The following ST6GALNAC3 variants were observed in gnomAD, a reference collection of about 807,000 sequenced individuals.
ST6GALNAC3 encodes the protein alpha-N-acetylgalactosaminide alpha-2,6-sialyltransferase 3.
In ST6GALNAC3, 25 loss-of-function variants were observed where a neutral mutation model predicts 32.7. The ratio of observed to expected loss-of-function variants is 0.76; its 90% CI spans 0.56 to 1.07. The LOEUF is 1.07. Ranked by LOEUF, ST6GALNAC3 falls within the 50% of genes least tolerant of loss-of-function variation. The pLI is 0.00. For missense variants in ST6GALNAC3, 355 were observed against 382.4 expected (o/e 0.93, Z 0.60); for synonymous variants, 129 against 133.1 (o/e 0.97, Z 0.21).
chr1:76,112,347 C>A (rs1457432518), intron 1 of ST6GALNAC3, among the ~76,000 whole-genome samples: 9 of 127,280 alleles, frequency 7.1e-5, no homozygotes, highest in South Asian at 2.7e-4. Flanking sequence ...ACCTCCCGGA[C>A]GGGGCGGCTG....
chr1:76,449,312 A>G (rs2101546143), intron 3 of ST6GALNAC3, among the ~76,000 whole-genome samples: 1 of 152,290 alleles, frequency 6.6e-6, no homozygotes, highest in South Asian at 2.1e-4. Flanking sequence ...CAGTTTATTT[A>G]TCCATCCACA....
In ST6GALNAC3 at chr1:76,581,788, G is replaced by A. The variant is rs770332409; in HGVS notation, c.624-45664G>A. Among the ~76,000 whole-genome samples the A allele has an allele frequency of 2.4e-4, 37 of 152,072 alleles. 1 individual carries two copies. The highest frequency in any genetic ancestry group is 1.3e-4 in the Non-Finnish European group (9 of 67,998). On this transcript the variant is annotated intron_variant, in intron 3 of 4. Transcript: ENST00000328299. The stretch of plus-strand genomic sequence containing the variant: ...CAAGCACAATAACTCTTTGGGTAAG[G>A]ATCAATAATATATTGGGTGTAAATC...
At chr1:76,493,074 TTA>T (rs1171423367) in intron 3 of ST6GALNAC3, among the ~76,000 whole-genome samples, 47 of 152,078 alleles carry the variant, frequency 3.1e-4, no homozygotes, top group Non-Finnish European at 4.6e-4. Flanking sequence ...CAGACCTCTC[TTA>T]TACTTCATTT....
chr1:76,446,886 T>G (rs992559598), intron 3 of ST6GALNAC3, among the ~76,000 whole-genome samples: 1 of 152,164 alleles, frequency 6.6e-6, no homozygotes, highest in African/African-American at 2.4e-5. Context: ...CTGTATAAAT[T>G]ACCCAGTCTT....
chr1:76,572,587 T>C (rs1646721493), intron 3 of ST6GALNAC3, among the ~76,000 whole-genome samples: 1 of 152,118 alleles, frequency 6.6e-6, no homozygotes, highest in Admixed American at 6.6e-5. Context: ...ATGCACACAG[T>C]TAGCTACTAA....
intron 1 of ST6GALNAC3, among the ~76,000 whole-genome samples, chr1:76,182,138 A>G (rs12085592): frequency 0.2 from 29,957 of 152,128 alleles, 3,068 homozygotes; most frequent in African/African-American, 0.22. Flanking sequence ...TGAAATAAGC[A>G]TTTTTACTAT....
At chr1:76,273,927 T>C (rs924074112) in intron 1 of ST6GALNAC3, among the ~76,000 whole-genome samples, 3 of 152,226 alleles carry the variant, frequency 2.0e-5, no homozygotes, top group Non-Finnish European at 4.4e-5. Flanking sequence ...AAAATCTCAC[T>C]GCTTCATCCA....
rs542594392 is a variant in ST6GALNAC3 at position 76,226,813 on chromosome 1, T to C, written c.19-86992T>C. Among the ~76,000 whole-genome samples the C allele has an allele frequency of 9.9e-5, 15 of 152,232 alleles. No homozygotes were observed. In the East Asian group the frequency reaches 2.5e-3, roughly 26 times the overall value. The stretch of plus-strand genomic sequence containing the variant: ...CTATTCAGGGAGGATCCATCCCGCC[T>C]ACACACACCCATTTCCAATCACCTC... On this transcript the variant is annotated intron_variant, in intron 1 of 4. Transcript: ENST00000328299.
chr1:76,416,707 A>C (rs1462402248), intron 3 of ST6GALNAC3, among the ~76,000 whole-genome samples: 2 of 145,036 alleles, frequency 1.4e-5, no homozygotes, highest in Non-Finnish European at 3.0e-5. Context: ...TGTTCACTAC[A>C]ACCTCCGCCT....
At position 76,131,887 on chromosome 1, in the gene ST6GALNAC3, T is replaced by C. The variant is rs539524828; in HGVS notation, c.18+57003T>C. The stretch of plus-strand genomic sequence containing the variant: ...TCCTGCAGGTGACCCTGGTTTTCAG[T>C]GTCATGGCTACCAAAATGTCATTAC... On this transcript the variant is annotated intron_variant, in intron 1 of 4. Transcript: ENST00000328299. 2.1e-4 allele frequency among the ~76,000 whole-genome samples: 32 copies of C among 152,220 alleles called. No homozygotes were observed. In the South Asian group the frequency reaches 6.6e-3, roughly 32 times the overall value.
chr1:76,267,516 C>T (rs1658601445), intron 1 of ST6GALNAC3, among the ~76,000 whole-genome samples: 1 of 152,096 alleles, frequency 6.6e-6, no homozygotes, highest in African/African-American at 2.4e-5. Context: ...CAGAGTCTAT[C>T]TGAAAATGAA....
intron 3 of ST6GALNAC3, among the ~76,000 whole-genome samples, chr1:76,555,560 A>T (rs1313419075): frequency 6.6e-6 from 1 of 152,156 alleles, no homozygotes; most frequent in Non-Finnish European, 1.5e-5. Context: ...GAGATTTGAG[A>T]TTCAAAGAAG....
chr1:76,100,512 G>A (rs538964129), intron 1 of ST6GALNAC3, among the ~76,000 whole-genome samples: 13 of 152,130 alleles, frequency 8.5e-5, no homozygotes, highest in East Asian at 1.9e-4. Flanking sequence ...GAACAACCAC[G>A]CATTTCTGGA....
intron 2 of ST6GALNAC3, among the ~76,000 whole-genome samples, chr1:76,407,618 G>T (rs902848753): frequency 6.6e-6 from 1 of 151,728 alleles, no homozygotes; most frequent in African/African-American, 2.4e-5. Flanking sequence ...GAATGTACAA[G>T]ATGTTTTCAA....
chr1:76,384,561 T>C (rs1475570130), intron 2 of ST6GALNAC3, among the ~76,000 whole-genome samples: 1 of 152,116 alleles, frequency 6.6e-6, no homozygotes, highest in Non-Finnish European at 1.5e-5. Context: ...TATAGAACTC[T>C]ACATCTAAAA....
chr1:76,353,262 C>T (rs981025637), intron 2 of ST6GALNAC3, among the ~76,000 whole-genome samples: 1 of 152,182 alleles, frequency 6.6e-6, no homozygotes, highest in African/African-American at 2.4e-5. Flanking sequence ...TTTCCTCTCC[C>T]TGTACGTTCT....
At chr1:76,123,654 A>G (rs1649039666) in intron 1 of ST6GALNAC3, among the ~76,000 whole-genome samples, 1 of 152,054 alleles carries the variant, frequency 6.6e-6, no homozygotes, top group South Asian at 2.1e-4. Context: ...TAGTAATCAT[A>G]GCTTTCACCT....
chr1:76,219,202 C>G (rs916599781), intron 1 of ST6GALNAC3, among the ~76,000 whole-genome samples: 3 of 152,160 alleles, frequency 2.0e-5, no homozygotes, highest in Non-Finnish European at 2.9e-5. Flanking sequence ...AGTTTGGTTC[C>G]CTGCATATAA....
intron 3 of ST6GALNAC3, among the ~76,000 whole-genome samples, chr1:76,455,228 A>G (rs1258014099): frequency 6.6e-6 from 1 of 151,956 alleles, no homozygotes; most frequent in Admixed American, 6.6e-5. Flanking sequence ...TTTTCTGCAT[A>G]TATTATGCAT....
Sources: allele counts gnomAD v4.1 joint callset (sites outside exome capture counted in the v4.1 genomes callset), GRCh38; gene constraint gnomAD v4.1.1; transcripts MANE v1.5; gene names NCBI Gene and HGNC (gene_info 2026-07-23, HGNC 2026-07-21).